CDH13: variants seen among roughly 807,000 people sequenced by gnomAD.
CDH13 encodes the protein cadherin-13.
Under a neutral mutation model 63.8 loss-of-function variants are expected in CDH13, and 24 were observed. That is an observed-to-expected ratio of 0.38 (90% confidence interval 0.27 to 0.53). The LOEUF (loss-of-function observed/expected upper bound fraction) is 0.53. Among genes scored for constraint, CDH13 ranks in the 20% least tolerant of loss-of-function variants. The pLI, the probability that CDH13 is intolerant of heterozygous loss-of-function variation, is 0.85. For synonymous variants in CDH13, 503 were observed against 355.3 expected (o/e 1.42, Z -4.67); for missense variants, 1,049 against 903.1 (o/e 1.16, Z -2.07).
At chr16:82,928,142 A>T (rs1304831254) in intron 2 of CDH13, among the ~76,000 whole-genome samples, 1 of 142,484 alleles carries the variant, frequency 7.0e-6, no homozygotes, top group Non-Finnish European at 1.5e-5. Flanking sequence ...TCCATTCAAT[A>T]ATATAAAGTA....
chr16:83,495,760 G>T (rs1272729845), intron 7 of CDH13, among the ~76,000 whole-genome samples: 1 of 152,116 alleles, frequency 6.6e-6, no homozygotes, highest in Non-Finnish European at 1.5e-5. Context: ...AGACTTTTTG[G>T]CTTGTAGAGC....
At chr16:83,728,342 C>CATGTGTGTGTGTGTGTGT (rs1555521385) in intron 10 of CDH13, among the ~76,000 whole-genome samples, 107 of 149,322 alleles carry the variant, frequency 7.2e-4, no homozygotes, top group African/African-American at 2.5e-3. Flanking sequence ...TATGTGTGTG[C>CATGTGTGTGTGTGTGTGT]GTGTGTGTGT....
intron 6 of CDH13, among the ~76,000 whole-genome samples, chr16:83,477,032 G>C (rs953609268): frequency 2.0e-5 from 3 of 152,204 alleles, no homozygotes; most frequent in African/African-American, 7.2e-5. Context: ...AATGAATCAT[G>C]ATGGGGGACC....
At chr16:83,266,680 T>G (rs977769005) in intron 5 of CDH13, among the ~76,000 whole-genome samples, 12 of 152,224 alleles carry the variant, frequency 7.9e-5, no homozygotes, top group Non-Finnish European at 1.8e-4. Flanking sequence ...AGGACAAACA[T>G]TAAGCCAATA....
intron 2 of CDH13, among the ~76,000 whole-genome samples, chr16:82,956,361 C>G (rs1211475822): frequency 7.5e-6 from 1 of 134,204 alleles, no homozygotes; most frequent in Non-Finnish European, 1.6e-5. Flanking sequence ...TCTTTAATAT[C>G]TAATTTCTGC....
chr16:83,230,274 G>C (rs541281807), intron 5 of CDH13, among the ~76,000 whole-genome samples: 1 of 152,222 alleles, frequency 6.6e-6, no homozygotes, highest in Non-Finnish European at 1.5e-5. Context: ...TAATTAGCAG[G>C]GCTGTTTCTG....
intron 11 of CDH13, among the ~76,000 whole-genome samples, chr16:83,750,844 T>A (rs1243635820): frequency 6.6e-6 from 1 of 152,148 alleles, no homozygotes; most frequent in Non-Finnish European, 1.5e-5. Context: ...TAGATTTCTG[T>A]CGTGTAAGCC....
At chr16:83,442,995 A>G (rs2072526282) in intron 6 of CDH13, among the ~76,000 whole-genome samples, 1 of 152,126 alleles carries the variant, frequency 6.6e-6, no homozygotes, top group Admixed American at 6.5e-5. Flanking sequence ...GTGAGATTGA[A>G]CTCTCAAAGA....
chr16:83,164,720 C>G (rs1194456789), intron 4 of CDH13, among the ~76,000 whole-genome samples: 1 of 138,772 alleles, frequency 7.2e-6, no homozygotes, highest in Non-Finnish European at 1.5e-5. Context: ...GACTCTGTCT[C>G]AAAAAAAGAA....
At chr16:83,457,964 G>C (rs1263476943) in intron 6 of CDH13, among the ~76,000 whole-genome samples, 1 of 152,224 alleles carries the variant, frequency 6.6e-6, no homozygotes, top group East Asian at 1.9e-4. Flanking sequence ...TGCTGGTAAA[G>C]CCTGAGCAGA....
At chr16:83,229,623 C>T (rs1310465178) in intron 5 of CDH13, among the ~76,000 whole-genome samples, 1 of 151,960 alleles carries the variant, frequency 6.6e-6, no homozygotes, top group African/African-American at 2.4e-5. Flanking sequence ...ATCCAGAAGG[C>T]GTATCTTTTC....
At chr16:83,404,984 A>T (rs1057486639) in intron 6 of CDH13, among the ~76,000 whole-genome samples, 2 of 152,176 alleles carry the variant, frequency 1.3e-5, no homozygotes, top group South Asian at 2.1e-4. Flanking sequence ...GTAGCCCATT[A>T]TCTCAGGACC....
intron 2 of CDH13, among the ~76,000 whole-genome samples, chr16:82,968,227 G>A (rs532622629): frequency 1.8e-4 from 27 of 152,282 alleles, no homozygotes; most frequent in African/African-American, 6.3e-4. Context: ...CCAGTGGGAA[G>A]CCTAACATGC....
intron 6 of CDH13, among the ~76,000 whole-genome samples, chr16:83,484,751 CAT>C (rs914278774): frequency 2.0e-5 from 3 of 152,272 alleles, no homozygotes; most frequent in South Asian, 2.1e-4. Flanking sequence ...ACCTGTAAAA[CAT>C]GTGAATAAAG....
intron 2 of CDH13, among the ~76,000 whole-genome samples, chr16:82,982,698 G>T (rs1269694721): frequency 6.6e-6 from 1 of 152,154 alleles, no homozygotes; most frequent in African/African-American, 2.4e-5. Context: ...GTAGTTGCAG[G>T]TCGTCTCCCT....
intron 3 of CDH13, among the ~76,000 whole-genome samples, chr16:83,082,724 C>T (rs1238686308): frequency 1.3e-5 from 2 of 152,128 alleles, no homozygotes; most frequent in African/African-American, 4.8e-5. Flanking sequence ...GAGGAAATTT[C>T]ATTTATAAGG....
chr16:82,776,045 C>T (rs965472099), intron 1 of CDH13, among the ~76,000 whole-genome samples: 1 of 152,066 alleles, frequency 6.6e-6, no homozygotes, highest in African/African-American at 2.4e-5. Flanking sequence ...CACTCTCTCT[C>T]CTAAAAATAC....
chr16:83,127,296 C>G (rs1436780322), intron 4 of CDH13, among the ~76,000 whole-genome samples: 1 of 152,174 alleles, frequency 6.6e-6, no homozygotes, highest in African/African-American at 2.4e-5. Flanking sequence ...CCCCAGAAGA[C>G]TGCATGTTTT....
chr16:82,893,154 C>A (rs79009960), intron 2 of CDH13, among the ~76,000 whole-genome samples: 15 of 152,276 alleles, frequency 9.9e-5, no homozygotes, highest in African/African-American at 3.4e-4. Flanking sequence ...AACAAGCAAA[C>A]CTCAAACAGA....
Sources: allele counts gnomAD v4.1 joint callset (sites outside exome capture counted in the v4.1 genomes callset), GRCh38; gene constraint gnomAD v4.1.1; transcripts MANE v1.5; gene names NCBI Gene and HGNC (gene_info 2026-07-23, HGNC 2026-07-21).